KIF5B: variants seen among roughly 807,000 people sequenced by gnomAD.
KIF5B encodes the protein kinesin family member 5B.
Under a neutral mutation model 132.8 loss-of-function variants are expected in KIF5B, and 49 were observed. The ratio of observed to expected loss-of-function variants is 0.37; its 90% CI spans 0.29 to 0.47. The LOEUF is 0.47. KIF5B is among the 20% of genes least tolerant of loss of function. KIF5B has a pLI of 1.00. For missense variants in KIF5B, 780 were observed against 1,144.0 expected (o/e 0.68, Z 4.59); for synonymous variants, 355 against 369.4 (o/e 0.96, Z 0.45).
intron 12 of KIF5B, 49 bp from the exon 13 acceptor site, chr10:32,032,823 A>G (rs1166808717): frequency 1.4e-6 from 2 of 1,391,258 alleles, no homozygotes; most frequent in East Asian, 2.3e-5. Flanking sequence ...ACCTGGTTCT[A>G]GTTGTTTCCC....
chr10:32,035,465 A>T, intron 10 of KIF5B, 57 bp downstream of exon 10: 1 of 1,482,036 alleles, frequency 6.7e-7, no homozygotes. Flanking sequence ...ATTTTCCTAC[A>T]TTTTATAAAC....
Position 32,022,401 on chromosome 10 carries a change from T to TA in KIF5B, c.1915-145dup, listed in dbSNP as rs145939486. The TA allele has an allele frequency of 5.1e-3, 2,957 of 574,278 alleles. 74 individuals are homozygous for TA. The highest frequency in any genetic ancestry group is 0.051 in the African/African-American group (2,687 of 52,606). The allele number at this position is 574,278 out of a possible 1,614,324, so 35.6% of individuals were successfully genotyped here. On this transcript the variant is annotated intron_variant, in intron 16 of 25. Transcript: ENST00000302418. ...TATTCAGGAGCCAATTTTGAAATGT[T>TA]AAAGAATGTAATCAATTAATTCATT...
At chr10:32,014,116 A>T (rs1841123556) in intron 25 of KIF5B, among the ~76,000 whole-genome samples, 1 of 152,222 alleles carries the variant, frequency 6.6e-6, no homozygotes, top group South Asian at 2.1e-4. Flanking sequence ...GACTTCCTGA[A>T]GAGTTAGTTA....
At chr10:32,052,582 A>C (rs965261041) in intron 1 of KIF5B, among the ~76,000 whole-genome samples, 1 of 152,088 alleles carries the variant, frequency 6.6e-6, no homozygotes, top group African/African-American at 2.4e-5. Context: ...TAATTTTTTT[A>C]TTGATTTTTC....
At chr10:32,027,708 C>G (rs972938187) in intron 15 of KIF5B, among the ~76,000 whole-genome samples, 2 of 151,168 alleles carry the variant, frequency 1.3e-5, no homozygotes, top group African/African-American at 4.9e-5. Context: ...AACCTCCTGC[C>G]TCAGTCTCTT....
intron 25 of KIF5B, 30 bp downstream of exon 25, chr10:32,015,479 G>C: frequency 6.8e-7 from 1 of 1,476,504 alleles, no homozygotes; most frequent in Non-Finnish European, 9.1e-7. Flanking sequence ...TCCACAAACA[G>C]ATATGAAAAG....
chr10:32,019,360 A>T (rs1285081300), intron 20 of KIF5B, among the ~76,000 whole-genome samples: 1 of 152,200 alleles, frequency 6.6e-6, no homozygotes, highest in African/African-American at 2.4e-5. Flanking sequence ...GTATGTGAAA[A>T]ATTATAATCA....
intron 25 of KIF5B, among the ~76,000 whole-genome samples, chr10:32,013,349 CTT>C (rs1841111206): frequency 6.6e-6 from 1 of 152,168 alleles, no homozygotes; most frequent in South Asian, 2.1e-4. Context: ...TATGACATAA[CTT>C]TGTCAAAAAT....
intron 24 of KIF5B, among the ~76,000 whole-genome samples, chr10:32,016,382 G>A (rs1592437136): frequency 6.6e-6 from 1 of 152,038 alleles, no homozygotes; most frequent in African/African-American, 2.4e-5. Flanking sequence ...CTTGAACCCA[G>A]GAGGCAGAGG....
Position 32,056,259 on chromosome 10 carries a change from T to G in KIF5B, c.-286A>C. The G allele has an allele frequency of 2.5e-6, 1 of 396,756 alleles. No homozygotes were observed. The highest frequency in any genetic ancestry group is 4.5e-6 in the Non-Finnish European group (1 of 221,674). The allele number at this position is 396,756 out of a possible 1,614,324, so 24.6% of individuals were successfully genotyped here. Reference sequence around the variant, plus strand: ...GTCCGCGGCTCCTCAGCGTCCCCCTTTACGGTCTGGGCGGACTGCGGGGGC... The same window carrying G: ...GTCCGCGGCTCCTCAGCGTCCCCCTGTACGGTCTGGGCGGACTGCGGGGGC... On this transcript the variant is annotated 5_prime_UTR_variant, in exon 1 of 26. Coordinates refer to ENST00000302418, the MANE Select transcript of KIF5B (RefSeq NM_004521.3).
chr10:32,054,477 T>C (rs563001759), intron 1 of KIF5B, among the ~76,000 whole-genome samples: 3 of 152,174 alleles, frequency 2.0e-5, no homozygotes, highest in Non-Finnish European at 2.9e-5. Context: ...AATTCATTTT[T>C]TGGAGCTGAA....
Position 32,021,094 on chromosome 10 carries a change from G to T in KIF5B, c.2132C>A (p.Thr711Asn), listed in dbSNP as rs753758298. 4 of 1,613,596 alleles carry T rather than the reference G, an allele frequency of 2.5e-6. No homozygotes were observed. The highest frequency in any genetic ancestry group is 3.4e-6 in the Non-Finnish European group (4 of 1,179,878). The stretch of plus-strand genomic sequence containing the variant: ...CAAACTACTGATCTGTTTTTGATGA[G>T]TTTCTCTATGGCTCTGGATCTGCTG... Reference protein sequence around the residue: ...VEQQIQSHRETHQKQISSLRD... With the variant: ...VEQQIQSHRENHQKQISSLRD... Residue 711 changes from threonine (T) to asparagine (N), a missense_variant, in exon 19 of 26, where the codon ACT becomes AAT. By Grantham distance (65) the Thr-to-Asn change is moderately conservative. Around this residue, in one of 9 missense-constraint regions of KIF5B, gnomAD observed 471 missense variants for 569.9 expected, o/e 0.83. Coordinates refer to ENST00000302418, the MANE Select transcript of KIF5B (RefSeq NM_004521.3).
At chr10:32,035,334 T>C (rs1026331515) in intron 10 of KIF5B, among the ~76,000 whole-genome samples, 188 bp downstream of exon 10, 6 of 152,234 alleles carry the variant, frequency 3.9e-5, no homozygotes, top group African/African-American at 1.2e-4. Flanking sequence ...CTGACTTTAA[T>C]GTGTACTAAA....
chr10:32,034,401 T>TGC (rs1229456231), intron 11 of KIF5B, among the ~76,000 whole-genome samples: 5 of 152,168 alleles, frequency 3.3e-5, no homozygotes, highest in African/African-American at 1.2e-4. Context: ...CATGAGCCAG[T>TGC]GCACCCAGCC....
intron 2 of KIF5B, among the ~76,000 whole-genome samples, chr10:32,041,926 G>A (rs75203440): frequency 0.012 from 1,886 of 152,170 alleles, 38 homozygotes; most frequent in African/African-American, 0.043. Context: ...CCCTGCACCT[G>A]ACCCTCCTAT....
chr10:32,016,443 T>G (rs1212810715), intron 24 of KIF5B, among the ~76,000 whole-genome samples: 3 of 151,550 alleles, frequency 2.0e-5, no homozygotes, highest in Non-Finnish European at 4.4e-5. Context: ...GCAACAAGAG[T>G]GAAACTCCAT....
At position 32,024,698 on chromosome 10, in the gene KIF5B, G is replaced by A. The variant is rs1157886626; in HGVS notation, c.1726-1662C>T. On this transcript the variant is annotated intron_variant, in intron 15 of 25. Coordinates refer to ENST00000302418, the MANE Select transcript of KIF5B (RefSeq NM_004521.3). Reference sequence around the variant, plus strand: ...AAGAATTGCTTGAACCCAGGAAGAGGAGCTTGCAGTGAGCCGAGATCATGC... The same window carrying A: ...AAGAATTGCTTGAACCCAGGAAGAGAAGCTTGCAGTGAGCCGAGATCATGC... Among the ~76,000 whole-genome samples the A allele has an allele frequency of 2.0e-5, 3 of 151,864 alleles. No individual in the cohort carries two copies. In the South Asian group the frequency reaches 6.3e-4, roughly 32 times the overall value.
intron 8 of KIF5B, 145 bp from the exon 9 acceptor site, chr10:32,036,139 C>G (rs755367150): frequency 1.4e-5 from 7 of 508,768 alleles, no homozygotes; most frequent in Non-Finnish European, 2.4e-5. Context: ...GCCAAGCATA[C>G]CACCATTTCT....
intron 25 of KIF5B, among the ~76,000 whole-genome samples, chr10:32,013,112 G>A (rs1419397282): frequency 6.6e-6 from 1 of 151,946 alleles, no homozygotes; most frequent in African/African-American, 2.4e-5. Context: ...TGTTGGTCAG[G>A]CTGGTCTCGA....
Sources: gnomAD v4.1 joint callset for allele counts (sites outside exome capture counted in the v4.1 genomes callset) on GRCh38, gnomAD v4.1.1 for gene constraint, gnomAD v4.1.1 regional missense constraint, MANE v1.5 for transcripts, NCBI Gene and HGNC (gene_info 2026-07-23, HGNC 2026-07-21) for gene names.